Variants in AEBP2 observed in about 807,000 individuals in gnomAD.
AEBP2 encodes the protein AE binding protein 2, also known as zinc finger protein AEBP2.
Under a neutral mutation model 50.8 loss-of-function variants are expected in AEBP2, and 10 were observed. The ratio of observed to expected loss-of-function variants is 0.20; its 90% CI spans 0.12 to 0.33. The LOEUF is 0.33. Among genes scored for constraint, AEBP2 ranks in the 10% least tolerant of loss-of-function variants. AEBP2 has a pLI of 1.00. For synonymous variants in AEBP2, 296 were observed against 261.3 expected, an observed-to-expected ratio of 1.13 and a Z score of -1.28; for missense variants, 570 against 688.0, an observed-to-expected ratio of 0.83 and a Z score of 1.92.
upstream of AEBP2, among the ~76,000 whole-genome samples, chr12:19,439,470 T>TGCCGCCGCGC (rs1947899322): frequency 6.6e-6 from 1 of 151,380 alleles, no homozygotes; most frequent in South Asian, 2.1e-4. Context: ...TGCTGCCTCG[T>TGCCGCCGCGC]GCCGCCGCGC....
At chr12:19,468,583 T>G (rs1181612398) in intron 2 of AEBP2, among the ~76,000 whole-genome samples, 1 of 152,238 alleles carries the variant, frequency 6.6e-6, no homozygotes, top group Non-Finnish European at 1.5e-5. Flanking sequence ...TGCATAGATG[T>G]TTGTGCATTT....
At position 19,440,053 on chromosome 12, in the gene AEBP2, G is replaced by A. The variant is rs1460002751; in HGVS notation, c.354G>A (p.Glu118=). 1 of 1,520,612 alleles carries A rather than the reference G, an allele frequency of 6.6e-7. No individual in the cohort carries two copies. The highest frequency in any genetic ancestry group is 1.2e-5 in the South Asian group (1 of 83,104). The allele number at this position is 1,520,612 out of a possible 1,614,324, so 94.2% of individuals were successfully genotyped here. ...DESSSSGGGE[E]ESSAESLVGS... Reference sequence around the variant, plus strand: ...GCAGCAGCAGCGGCGGGGGTGAGGAGGAGAGTAGCGCCGAGAGCCTGGTGG... The same window carrying A: ...GCAGCAGCAGCGGCGGGGGTGAGGAAGAGAGTAGCGCCGAGAGCCTGGTGG... The change falls in exon 1 of 8, where the codon GAG becomes GAA. Residue 118 remains glutamate (E), a synonymous_variant. Coordinates refer to ENST00000266508, the MANE Select transcript of AEBP2 (RefSeq NM_153207.5).
chr12:19,429,118 C>T (rs1202641953), intron 1 of AEBP2, among the ~76,000 whole-genome samples: 2 of 152,142 alleles, frequency 1.3e-5, no homozygotes, highest in Non-Finnish European at 2.9e-5. Flanking sequence ...CGAATGCTAT[C>T]CCTCCCCAAT....
upstream of AEBP2, among the ~76,000 whole-genome samples, chr12:19,434,740 T>A (rs201198109): frequency 1.7e-4 from 26 of 152,178 alleles, no homozygotes; most frequent in Admixed American, 1.6e-3. Flanking sequence ...AATAATGACA[T>A]CCTGTCACTG....
intron 1 of AEBP2, among the ~76,000 whole-genome samples, chr12:19,444,753 G>A (rs1565705594): frequency 6.6e-6 from 1 of 152,196 alleles, no homozygotes; most frequent in Non-Finnish European, 1.5e-5. Context: ...CTTTTCTGTT[G>A]TAGAATGGTA....
chr12:19,432,902 T>C (rs1252678614), intron 1 of AEBP2, among the ~76,000 whole-genome samples: 2 of 152,076 alleles, frequency 1.3e-5, no homozygotes, highest in African/African-American at 2.4e-5. Flanking sequence ...ATTCAAATTA[T>C]TGTTGCTAAT....
chr12:19,483,187 T>A (rs1726421028), intron 3 of AEBP2, among the ~76,000 whole-genome samples: 1 of 152,186 alleles, frequency 6.6e-6, no homozygotes, highest in Non-Finnish European at 1.5e-5. Flanking sequence ...CTTCTGCTAG[T>A]ACCCTTGTGA....
chr12:19,521,867 A>G lies in AEBP2; in HGVS notation c.*3750A>G, dbSNP rs1949403883. 1 of 152,094 alleles carries G rather than the reference A, an allele frequency of 6.6e-6. No homozygotes were observed. The highest frequency in any genetic ancestry group is 1.5e-5 in the Non-Finnish European group (1 of 67,986). 9.4% of individuals were successfully genotyped at this position (152,094 alleles called of 1,614,324 possible). A position where few individuals can be genotyped will look rare whatever the true frequency, so the allele number is the denominator to read the frequency against. On this transcript the variant is annotated 3_prime_UTR_variant, in exon 8 of 8. Transcript: ENST00000266508. Reference sequence around the variant, plus strand: ...TAAAAATGAGAAAATATGTATTAAAAATACTTGATAGAGGGTTTTCTCTTT... The same window carrying G: ...TAAAAATGAGAAAATATGTATTAAAGATACTTGATAGAGGGTTTTCTCTTT...
chr12:19,448,676 T>G (rs1042565013), intron 1 of AEBP2, among the ~76,000 whole-genome samples: 4 of 152,158 alleles, frequency 2.6e-5, no homozygotes, highest in Non-Finnish European at 5.9e-5. Context: ...AGAACAGTTT[T>G]TTTTTGTTTT....
In AEBP2 at chr12:19,495,632, C is replaced by T. The variant is rs566648860; in HGVS notation, c.1174+1646C>T. On this transcript the variant is annotated intron_variant, in intron 4 of 7. Transcript: ENST00000266508. The stretch of plus-strand genomic sequence containing the variant: ...TCATGGCTTACCGCAGTTTCAGACT[C>T]CTGGGCTCAAGCAATTCTCCCACCT... 4.0e-3 allele frequency among the ~76,000 whole-genome samples: 601 copies of T among 151,640 alleles called. 3 individuals carry two copies. Among genetic ancestry groups the T allele is most frequent in the Non-Finnish European group, 4.6e-3 (312 of 67,916 alleles).
intron 5 of AEBP2, chr12:19,508,816 A>G: frequency 1.1e-5 from 2 of 187,948 alleles, no homozygotes; most frequent in South Asian, 2.3e-4. Context: ...CCTTCTCATT[A>G]GTATTTTTTC....
intron 2 of AEBP2, among the ~76,000 whole-genome samples, chr12:19,468,039 C>T (rs1948508670): frequency 6.6e-6 from 1 of 151,290 alleles, no homozygotes; most frequent in Non-Finnish European, 1.5e-5. Flanking sequence ...TAGAGCAAGA[C>T]TCTGTCTCAT....
chr12:19,406,595 C>T (rs1008542558), intron 1 of AEBP2, among the ~76,000 whole-genome samples: 3 of 150,688 alleles, frequency 2.0e-5, no homozygotes, highest in Non-Finnish European at 4.4e-5. Context: ...CAGGAGAATT[C>T]GCTTGAACCC....
chr12:19,471,616 C>T (rs1226505116), intron 2 of AEBP2, among the ~76,000 whole-genome samples: 1 of 152,074 alleles, frequency 6.6e-6, no homozygotes, highest in African/African-American at 2.4e-5. Flanking sequence ...ATCATCCTGC[C>T]TCAGCTGCTA....
chr12:19,413,024 C>T (rs2095740289), intron 1 of AEBP2: 1 of 428,818 alleles, frequency 2.3e-6, no homozygotes, highest in African/African-American at 2.0e-5. Context: ...GTGGGGTCCC[C>T]TGGCCTGGAG....
intron 3 of AEBP2, among the ~76,000 whole-genome samples, chr12:19,474,635 C>T (rs1426703867): frequency 1.3e-5 from 2 of 151,982 alleles, no homozygotes; most frequent in African/African-American, 4.8e-5. Flanking sequence ...ACTGTCTGTG[C>T]CTTGCTTTAA....
intron 3 of AEBP2, among the ~76,000 whole-genome samples, chr12:19,489,990 CTTTT>C (rs71067029): frequency 4.2e-5 from 2 of 47,690 alleles, no homozygotes; most frequent in African/African-American, 8.5e-5. Context: ...TTAAAATAAA[CTTTT>C]TTTTTTTTTT....
intron 1 of AEBP2, among the ~76,000 whole-genome samples, chr12:19,446,300 T>G (rs1272862403): frequency 6.6e-6 from 1 of 152,204 alleles, no homozygotes; most frequent in Non-Finnish European, 1.5e-5. Flanking sequence ...TTCTGTAAAT[T>G]GCGACATGGT....
At chr12:19,502,243 C>G (rs1237222184) in intron 5 of AEBP2, among the ~76,000 whole-genome samples, 1 of 151,686 alleles carries the variant, frequency 6.6e-6, no homozygotes, top group African/African-American at 2.4e-5. Flanking sequence ...CAAGCGATCC[C>G]CCTCCCTCAG....
Sources: allele counts gnomAD v4.1 joint callset (sites outside exome capture counted in the v4.1 genomes callset), GRCh38; gene constraint gnomAD v4.1.1; transcripts MANE v1.5; gene names NCBI Gene and HGNC (gene_info 2026-07-23, HGNC 2026-07-21).